Variants in CSMD2 observed in about 807,000 individuals in gnomAD.
The protein encoded by CSMD2 is CUB and sushi domain-containing protein 2.
In CSMD2, 130 loss-of-function variants were observed where a neutral mutation model predicts 398.5. The ratio of observed to expected loss-of-function variants is 0.33; its 90% CI spans 0.28 to 0.38. The LOEUF (loss-of-function observed/expected upper bound fraction) is 0.38, where lower values mean the gene tolerates loss of function less well. Among genes scored for constraint, CSMD2 ranks in the 10% least tolerant of loss-of-function variants. The pLI is 1.00. For missense variants in CSMD2, 3,829 were observed against 4,764.9 expected, an observed-to-expected ratio of 0.80 and a Z score of 5.78; for synonymous variants, 1,828 against 1,908.5, an observed-to-expected ratio of 0.96 and a Z score of 1.10.
chr1:33,889,591 TA>T (rs1641842983), intron 5 of CSMD2, among the ~76,000 whole-genome samples: 1 of 152,154 alleles, frequency 6.6e-6, no homozygotes, highest in Admixed American at 6.5e-5. Context: ...ATGTTAACTA[TA>T]ACATTATTTG....
At chr1:33,824,853 C>T (rs547675501) in intron 7 of CSMD2, among the ~76,000 whole-genome samples, 1 of 152,104 alleles carries the variant, frequency 6.6e-6, no homozygotes, top group South Asian at 2.1e-4. Flanking sequence ...AGAAGGAAAA[C>T]CAGGTCAGTC....
chr1:33,832,898 TAGA>T (rs1231473951), intron 6 of CSMD2, among the ~76,000 whole-genome samples: 2 of 152,216 alleles, frequency 1.3e-5, no homozygotes, highest in Admixed American at 1.3e-4. Context: ...CTAGAAAATC[TAGA>T]AGAAATGGAT....
intron 15 of CSMD2, among the ~76,000 whole-genome samples, chr1:33,729,822 G>A (rs1022189136): frequency 1.3e-5 from 2 of 152,180 alleles, no homozygotes; most frequent in African/African-American, 4.8e-5. Flanking sequence ...ACATGAGGCC[G>A]TGAGAAACCA....
chr1:33,752,034 G>A (rs1249253561), intron 13 of CSMD2, among the ~76,000 whole-genome samples: 2 of 152,168 alleles, frequency 1.3e-5, no homozygotes, highest in African/African-American at 2.4e-5. Flanking sequence ...GTTAGCAGAA[G>A]GAGGAAGAAT....
chr1:34,033,923 A>G (rs540684169), intron 2 of CSMD2, among the ~76,000 whole-genome samples: 1 of 152,214 alleles, frequency 6.6e-6, no homozygotes, highest in East Asian at 1.9e-4. Context: ...ATTCATGTTA[A>G]CTCAGAATAG....
At chr1:34,133,446 C>T (rs1485231312) in intron 1 of CSMD2, among the ~76,000 whole-genome samples, 1 of 151,984 alleles carries the variant, frequency 6.6e-6, no homozygotes, top group African/African-American at 2.4e-5. Flanking sequence ...GCCTGGTCAA[C>T]ATGGCAAAAC....
intron 3 of CSMD2, among the ~76,000 whole-genome samples, chr1:33,942,539 TC>T (rs1644710037): frequency 6.6e-6 from 1 of 152,222 alleles, no homozygotes; most frequent in South Asian, 2.1e-4. Flanking sequence ...GCAGAAGCCC[TC>T]CGCCATAAGC....
At position 34,143,848 on chromosome 1, in the gene CSMD2, G is replaced by A. The variant is rs138467754; in HGVS notation, c.187+21063C>T. Among the ~76,000 whole-genome samples, 36 of 152,162 alleles carry A rather than the reference G, an allele frequency of 2.4e-4. No homozygotes were observed. The East Asian group carries it at 6.8e-3, about 29-fold the overall frequency. The stretch of plus-strand genomic sequence containing the variant: ...TCTGCAAAGCAAATGTGTGATGCCC[G>A]GCCCTAATCTGACATCAGTTTCTAT... On this transcript the variant is annotated intron_variant, in intron 1 of 70. Coordinates refer to ENST00000373381, the MANE Select transcript of CSMD2 (RefSeq NM_001281956.2).
rs185462870 is a variant in CSMD2, at chr1:34,135,855, T to C, written c.187+29056A>G. 8.1e-4 allele frequency among the ~76,000 whole-genome samples: 124 copies of C among 152,218 alleles called. 1 individual carries two copies. Among genetic ancestry groups the C allele is most frequent in the African/African-American group, 2.8e-3 (117 of 41,532 alleles). The stretch of plus-strand genomic sequence containing the variant: ...TCCATTTACATTTTCTTACATGTTT[T>C]GAAAATTTCTGAAGTAATTCAGAAG... On this transcript the variant is annotated intron_variant, in intron 1 of 70. Coordinates refer to ENST00000373381, the MANE Select transcript of CSMD2 (RefSeq NM_001281956.2).
At chr1:33,898,743 T>G (rs1642556491) in intron 5 of CSMD2, among the ~76,000 whole-genome samples, 1 of 152,148 alleles carries the variant, frequency 6.6e-6, no homozygotes. Context: ...AGGGCACTGT[T>G]GAGCCAGGGC....
chr1:34,016,959 T>C (rs142584667), intron 3 of CSMD2, among the ~76,000 whole-genome samples: 1 of 152,348 alleles, frequency 6.6e-6, no homozygotes, highest in East Asian at 1.9e-4. Flanking sequence ...GAAATTAGAA[T>C]GAGTATTACA....
At chr1:33,932,151 G>A (rs147285386) in intron 4 of CSMD2, among the ~76,000 whole-genome samples, 7 of 152,298 alleles carry the variant, frequency 4.6e-5, no homozygotes, top group African/African-American at 1.7e-4. Flanking sequence ...AGCAGGTTTG[G>A]GGAAAGCAGG....
At chr1:34,010,767 T>C (rs1462679806) in intron 3 of CSMD2, among the ~76,000 whole-genome samples, 1 of 152,086 alleles carries the variant, frequency 6.6e-6, no homozygotes. Context: ...TACAGGCGCC[T>C]GCCACCACGC....
At chr1:33,809,734 A>G (rs1656637345) in intron 10 of CSMD2, among the ~76,000 whole-genome samples, 1 of 107,154 alleles carries the variant, frequency 9.3e-6, no homozygotes, top group Non-Finnish European at 2.0e-5. Context: ...AAGTAGAAAC[A>G]ACACCATCAT....
At chr1:33,920,255 G>A (rs983301333) in intron 4 of CSMD2, among the ~76,000 whole-genome samples, 85 of 152,138 alleles carry the variant, frequency 5.6e-4, no homozygotes, top group African/African-American at 2.0e-3. Flanking sequence ...AGGACTGGGC[G>A]CAGTGGCTCA....
At position 33,542,844 on chromosome 1, in the gene CSMD2, A is replaced by G. The variant is rs764155505; in HGVS notation, c.9153T>C (p.Ser3051=). ...TAGAGCTGGAGAAAACCAGGCCATC[A>G]CTGAACACAACTCGGGCATTACTTG... ...GTPSNARVVF[S]DGLVFSSSIV... is the part of the protein sequence containing the mutation. Residue 3051 remains serine, a synonymous_variant, in exon 58 of 71, where the codon AGT becomes AGC. Coordinates refer to ENST00000373381, the MANE Select transcript of CSMD2 (RefSeq NM_001281956.2). The G allele has an allele frequency of 1.2e-6, 2 of 1,614,226 alleles. No individual in the cohort carries two copies. The highest frequency in any genetic ancestry group is 1.1e-5 in the South Asian group (1 of 91,078).
chr1:33,645,352 C>T (rs962186752), intron 29 of CSMD2, among the ~76,000 whole-genome samples: 4 of 119,800 alleles, frequency 3.3e-5, no homozygotes, highest in Admixed American at 3.1e-4. Flanking sequence ...TATACACACA[C>T]ACACACACAC....
At chr1:33,835,799 T>C (rs1289630853) in intron 6 of CSMD2, among the ~76,000 whole-genome samples, 1 of 151,742 alleles carries the variant, frequency 6.6e-6, no homozygotes, top group Non-Finnish European at 1.5e-5. Flanking sequence ...TTCTTTGCCA[T>C]GGGTTCGAAC....
intron 2 of CSMD2, among the ~76,000 whole-genome samples, chr1:34,083,328 C>A (rs1371264725): frequency 6.6e-6 from 1 of 152,220 alleles, no homozygotes; most frequent in Non-Finnish European, 1.5e-5. Context: ...TTGTCACTCT[C>A]TGTTCAACCC....
Sources: gnomAD v4.1 joint callset for allele counts (sites outside exome capture counted in the v4.1 genomes callset) on GRCh38, gnomAD v4.1.1 for gene constraint, MANE v1.5 for transcripts, NCBI Gene and HGNC (gene_info 2026-07-23, HGNC 2026-07-21) for gene names.